The following SLC43A2 variants were observed in gnomAD, a reference collection of about 807,000 sequenced individuals.
SLC43A2 encodes large neutral amino acids transporter small subunit 4.
Under a neutral mutation model 63.2 loss-of-function variants are expected in SLC43A2, and 38 were observed. That is an observed-to-expected ratio of 0.60 (90% CI 0.46 to 0.79). The LOEUF is 0.79. Ranked by LOEUF, SLC43A2 falls within the 30% of genes least tolerant of loss-of-function variation. The pLI is 0.00. For synonymous variants in SLC43A2, 322 were observed against 331.0 expected (o/e 0.97, Z 0.30); for missense variants, 644 against 756.2 (o/e 0.85, Z 1.74).
chr17:1,585,643 C>A (rs1376721818), intron 10 of SLC43A2: 27 of 1,349,218 alleles, frequency 2.0e-5, no homozygotes, highest in Non-Finnish European at 2.4e-5. Flanking sequence ...CTACCCCAGC[C>A]TTTCAAAGTG....
intron 2 of SLC43A2, among the ~76,000 whole-genome samples, chr17:1,623,600 T>TGA (rs1168539505): frequency 6.6e-6 from 1 of 151,276 alleles, no homozygotes; most frequent in East Asian, 1.9e-4. Context: ...CCTTCCCACT[T>TGA]CTCTCCTCTC....
Position 1,605,600 on chromosome 17 carries a change from T to A in SLC43A2, c.501+7595A>T, listed in dbSNP as rs1025949462. ...GGGGGCTGCGGAGCTGGGAGGTGGG[T>A]GGGGGCTGGGGAGCTGGGTGGTGGG... is the stretch of plus-strand genomic sequence containing the variant. On this transcript the variant is annotated intron_variant, in intron 5 of 13. Transcript: ENST00000301335. The surrounding 1 kb of genome is among the most constrained non-coding windows in gnomAD (Gnocchi z 4.9). 1.8e-3 allele frequency among the ~76,000 whole-genome samples: 7 copies of A among 3,922 alleles called. No individual in the cohort carries two copies. The allele number at this position is 3,922 out of a possible 152,430, so 2.6% of individuals were successfully genotyped here.
intron 11 of SLC43A2, among the ~76,000 whole-genome samples, chr17:1,580,439 G>A (rs2075994764): frequency 6.6e-6 from 1 of 152,212 alleles, no homozygotes; most frequent in East Asian, 1.9e-4. Context: ...TGCCCACCTC[G>A]GACTGTGCTC....
At chr17:1,595,604 C>G (rs1905222871) in intron 5 of SLC43A2, among the ~76,000 whole-genome samples, 1 of 152,102 alleles carries the variant, frequency 6.6e-6, no homozygotes, top group Non-Finnish European at 1.5e-5. Context: ...CACCACCATG[C>G]CCGGCTAATT....
intron 11 of SLC43A2, among the ~76,000 whole-genome samples, chr17:1,580,362 C>T (rs946710454): frequency 2.4e-4 from 37 of 152,202 alleles, no homozygotes; most frequent in African/African-American, 8.7e-4. Context: ...AACCAGGGCC[C>T]TGCTGACAGA....
rs562357014 is a variant in SLC43A2 at position 1,621,978 on chromosome 17, C to T, written c.161-5209G>A. Among the ~76,000 whole-genome samples the T allele has an allele frequency of 4.6e-5, 7 of 152,326 alleles. No homozygotes were observed. In the East Asian group the frequency reaches 5.8e-4, roughly 13 times the overall value. Reference sequence around the variant, plus strand: ...TGGGAATGGGACTAAGACTCTCCCACGAGGTCCCTGAGAGCCAGCCTAAGC... The same window carrying T: ...TGGGAATGGGACTAAGACTCTCCCATGAGGTCCCTGAGAGCCAGCCTAAGC... On this transcript the variant is annotated intron_variant, in intron 2 of 13. Transcript: ENST00000301335.
chr17:1,589,628 T>C (rs1275164343), intron 9 of SLC43A2, among the ~76,000 whole-genome samples: 1 of 152,168 alleles, frequency 6.6e-6, no homozygotes, highest in African/African-American at 2.4e-5. Flanking sequence ...CAGATATTTT[T>C]TTTTCTTTTG....
Position 1,570,214 on chromosome 17 carries a change from G to A in SLC43A2, c.*5390C>T, listed in dbSNP as rs1423216180. ...GGCCCTAATTTTTGTATTTTTAGTA[G>A]AGTTGAGGTTTCACCATGTTGGTCA... is the stretch of plus-strand genomic sequence containing the variant. On this transcript the variant is annotated 3_prime_UTR_variant, in exon 14 of 14. Coordinates refer to ENST00000301335, the MANE Select transcript of SLC43A2 (RefSeq NM_152346.3). 6.6e-6 allele frequency: 1 copy of A among 151,736 alleles called. No individual in the cohort carries two copies. Among genetic ancestry groups the A allele is most frequent in the East Asian group, 1.9e-4 (1 of 5,134 alleles). 9.4% of individuals were successfully genotyped at this position (151,736 alleles called of 1,614,324 possible).
intron 9 of SLC43A2, among the ~76,000 whole-genome samples, chr17:1,590,158 A>C (rs1346517614): frequency 6.6e-6 from 1 of 152,224 alleles, no homozygotes; most frequent in African/African-American, 2.4e-5. Context: ...AGGCTGACTC[A>C]GCTCAGGCCC....
intron 12 of SLC43A2, 74 bp from the exon 13 acceptor site, chr17:1,576,794 G>A (rs7222193): frequency 0.42 from 659,547 of 1,562,728 alleles, 140,199 homozygotes; most frequent in Middle Eastern, 0.49. Context: ...TGGTGACCCC[G>A]GGCTGCACCG....
In SLC43A2 at chr17:1,613,274, G is replaced by A. The variant is rs367659648; in HGVS notation, c.425-3C>T. On this transcript the variant is annotated splice_polypyrimidine_tract_variant and splice_region_variant and intron_variant, in intron 4 of 13. Transcript: ENST00000301335. ...GATGAAGATGAGCACGGAGAGAGCT[G>A]CAGGGACATGGAAAGCTCGTGAGTG... 1.2e-6 allele frequency: 2 copies of A among 1,614,062 alleles called. No individual in the cohort carries two copies. The highest frequency in any genetic ancestry group is 1.7e-6 in the Non-Finnish European group (2 of 1,179,992).
Position 1,576,644 on chromosome 17 carries a change from G to T in SLC43A2, c.1501C>A (p.Pro501Thr). ...ISALFALLQQ[P>T]LFLAMMGPLQ... ...GGACCCATCATGGCCAGAAACAGCG[G>T]CTGCTGCAGAAGGGCGAAGAGCGCG... Residue 501 changes from proline (P) to threonine (T), a missense_variant, in exon 13 of 14, where the codon CCG becomes ACG. Pro to Thr is a conservative substitution (Grantham distance 38, BLOSUM62 -1). This residue lies in a region of SLC43A2 where 105 missense variants were observed against 101.7 expected (regional missense o/e 1.03). Coordinates refer to ENST00000301335, the MANE Select transcript of SLC43A2 (RefSeq NM_152346.3). 1 of 1,610,766 alleles carries T rather than the reference G, an allele frequency of 6.2e-7. No individual in the cohort carries two copies. The highest frequency in any genetic ancestry group is 2.2e-5 in the East Asian group (1 of 44,876).
At chr17:1,621,238 C>G (rs1291634541) in intron 2 of SLC43A2, among the ~76,000 whole-genome samples, 1 of 152,144 alleles carries the variant, frequency 6.6e-6, no homozygotes, top group Non-Finnish European at 1.5e-5. Flanking sequence ...CAAAGAGGAG[C>G]CTCCCCACAC....
At chr17:1,586,167 A>G in intron 9 of SLC43A2, 116 bp from the exon 10 acceptor site, 1 of 1,420,958 alleles carries the variant, frequency 7.0e-7, no homozygotes, top group South Asian at 1.5e-5. Context: ...CTGCCCCAGA[A>G]CCCCCTGTCA....
chr17:1,590,858 T>C lies in SLC43A2; in HGVS notation c.1022A>G (p.Tyr341Cys). ...MCVTQLRLIF[Y>C]MGAMNNILKF... Reference sequence around the variant, plus strand: ...GAGGATGTTGTTCATAGCCCCCATGTAGAAGATGAGCCGCAGCTGCGTGAC... The same window carrying C: ...GAGGATGTTGTTCATAGCCCCCATGCAGAAGATGAGCCGCAGCTGCGTGAC... The change falls in exon 9 of 14, where the codon TAC (tyrosine) becomes TGC (cysteine). Residue 341 changes from tyrosine (Y) to cysteine (C), a missense_variant. By Grantham distance (194) the Tyr-to-Cys change is radical. Transcript: ENST00000301335. 1 of 1,555,582 alleles carries C rather than the reference T, an allele frequency of 6.4e-7. No individual in the cohort carries two copies. The highest frequency in any genetic ancestry group is 8.7e-7 in the Non-Finnish European group (1 of 1,148,742).
At chr17:1,582,229 G>A (rs915970377) in intron 11 of SLC43A2, among the ~76,000 whole-genome samples, 1 of 152,102 alleles carries the variant, frequency 6.6e-6, no homozygotes, top group African/African-American at 2.4e-5. Context: ...ACAGGAGTGT[G>A]CCACCATGCC....
chr17:1,586,927 A>AGGGGGGG, intron 9 of SLC43A2: 1 of 1,355,944 alleles, frequency 7.4e-7, no homozygotes, highest in Non-Finnish European at 1.0e-6. Flanking sequence ...TTCCCTGACA[A>AGGGGGGG]TCCCCCCCAC....
intron 13 of SLC43A2, among the ~76,000 whole-genome samples, chr17:1,576,173 T>C (rs1567605269): frequency 7.2e-6 from 1 of 137,994 alleles, no homozygotes; most frequent in Non-Finnish European, 1.5e-5. Context: ...AATCTCCGCC[T>C]CCCGGGTTCA....
chr17:1,583,901 T>TG lies in SLC43A2; in HGVS notation c.1218-566dup, dbSNP rs1459777504. 1.3e-5 allele frequency among the ~76,000 whole-genome samples: 2 copies of TG among 151,246 alleles called. No homozygotes were observed. The highest frequency in any genetic ancestry group is 4.9e-5 in the African/African-American group (2 of 41,058). On this transcript the variant is annotated intron_variant, in intron 10 of 13. Coordinates refer to ENST00000301335, the MANE Select transcript of SLC43A2 (RefSeq NM_152346.3). This position sits in a 1 kb window ranked among gnomAD's most constrained non-coding sequence, Gnocchi z 5.5. ...TGTTTTGTTTTGTTTTTTTGTTCTTTGGGTTTTTTTTTGAGATGGAGTCTC... is the reference window on the plus strand; with the variant it reads ...TGTTTTGTTTTGTTTTTTTGTTCTTTGGGGTTTTTTTTTGAGATGGAGTCTC...
Sources: allele counts gnomAD v4.1 joint callset (sites outside exome capture counted in the v4.1 genomes callset), GRCh38; gene constraint gnomAD v4.1.1; regional missense constraint gnomAD v4.1.1; non-coding constraint Gnocchi (gnomAD v3.1); transcripts MANE v1.5; gene names NCBI Gene and HGNC (gene_info 2026-07-23, HGNC 2026-07-21).